The following STS variants were observed in gnomAD, a reference collection of about 807,000 sequenced individuals.
STS encodes the protein steryl-sulfatase.
Under a neutral mutation model 26.8 loss-of-function variants are expected in STS, and 7 were observed. The observed-to-expected ratio is 0.26, with a 90% CI of 0.15 to 0.49. The LOEUF (loss-of-function observed/expected upper bound fraction) is 0.49. Ranked by LOEUF, STS falls within the 20% of genes least tolerant of loss-of-function variation. The pLI is 0.98. For synonymous variants in STS, 199 were observed against 189.4 expected (o/e 1.05, Z -0.42); for missense variants, 434 against 465.6 (o/e 0.93, Z 0.63).
At chrX:7,178,775 G>A (rs1460154961) in intron 1 of STS, among the ~76,000 whole-genome samples, 1 of 110,337 alleles carries the variant, frequency 9.1e-6, no homozygotes, top group African/African-American at 3.3e-5. Context: ...GTGATAATGG[G>A]CTCTCTCTGT....
intron 1 of STS, among the ~76,000 whole-genome samples, chrX:7,165,023 C>T (rs1297355681): frequency 9.1e-6 from 1 of 110,454 alleles, no homozygotes; most frequent in Non-Finnish European, 1.9e-5. Flanking sequence ...AAGACCCTCT[C>T]TCAACAATGA....
chrX:7,167,634 G>A, intron 1 of STS, among the ~76,000 whole-genome samples: 1 of 112,072 alleles, frequency 8.9e-6, no homozygotes, highest in South Asian at 3.7e-4. Flanking sequence ...GCCAGCAGGA[G>A]AAGGCCTCTT....
intron 6 of STS, among the ~76,000 whole-genome samples, chrX:7,268,041 T>C (rs1924090368): frequency 9.1e-6 from 1 of 110,099 alleles, no homozygotes; most frequent in Admixed American, 9.8e-5. Flanking sequence ...CCCTGCTCCC[T>C]GACAACTCTC....
chrX:7,240,513 GTGTGTGTGTGTGTGTGTGTGTA>G (rs1922553426), intron 2 of STS, among the ~76,000 whole-genome samples: 1 of 13,178 alleles, frequency 7.6e-5, no homozygotes, highest in Non-Finnish European at 1.8e-4. Context: ...GTGTGTGTGT[GTGTGTGTGTGTGTGTGTGTGTA>G]TATATATATA....
intron 2 of STS, among the ~76,000 whole-genome samples, chrX:7,203,292 G>A (rs1471036818): frequency 8.9e-6 from 1 of 111,998 alleles, no homozygotes; most frequent in Non-Finnish European, 1.9e-5. Flanking sequence ...TCTGCAACAG[G>A]TATTTATTAG....
At chrX:7,284,741 G>T (rs1925043095) in intron 7 of STS, among the ~76,000 whole-genome samples, 1 of 112,298 alleles carries the variant, frequency 8.9e-6, no homozygotes, top group South Asian at 3.7e-4. Context: ...CCCAGAAAAA[G>T]AATTTCATGT....
intron 7 of STS, among the ~76,000 whole-genome samples, chrX:7,285,766 A>C (rs1925100324): frequency 8.9e-6 from 1 of 112,229 alleles, no homozygotes; most frequent in South Asian, 3.6e-4. Flanking sequence ...ATTCCTGAAT[A>C]GGTCAGACTT....
At chrX:7,317,840 C>G (rs942541496) in intron 8 of STS, among the ~76,000 whole-genome samples, 2 of 111,375 alleles carry the variant, frequency 1.8e-5, no homozygotes, top group African/African-American at 3.3e-5. Context: ...ACTGTGTTCT[C>G]TCTGGGATTC....
intron 1 of STS, among the ~76,000 whole-genome samples, chrX:7,186,307 G>A (rs971546540): frequency 8.9e-6 from 1 of 112,489 alleles, no homozygotes; most frequent in African/African-American, 3.2e-5. Flanking sequence ...AGGAAAAGGA[G>A]TTAATGAACC....
At chrX:7,204,594 C>G (rs376977661) in intron 2 of STS, among the ~76,000 whole-genome samples, 2 of 95,107 alleles carry the variant, frequency 2.1e-5, no homozygotes, top group Non-Finnish European at 4.2e-5. Context: ...CCTCCTTTCT[C>G]TCCATCTTCT....
chrX:7,334,110 G>A lies in STS; in HGVS notation c.1363+3G>A. The A allele has an allele frequency of 8.3e-7, 1 of 1,211,422 alleles. No homozygotes were observed. The highest frequency in any genetic ancestry group is 1.1e-6 in the Non-Finnish European group (1 of 895,298). On this transcript the variant is annotated splice_donor_region_variant and intron_variant, in intron 10 of 10. Transcript: ENST00000674429. Reference sequence around the variant, plus strand: ...TGTGCGCTGGCACCCTCAGAACAGTGAGTAAACAGACCTTTCCACGCTCCT... The same window carrying A: ...TGTGCGCTGGCACCCTCAGAACAGTAAGTAAACAGACCTTTCCACGCTCCT...
At chrX:7,340,490 A>G (rs1928234211) in intron 10 of STS, among the ~76,000 whole-genome samples, 1 of 112,083 alleles carries the variant, frequency 8.9e-6, no homozygotes, top group Non-Finnish European at 1.9e-5. Context: ...GAAATTTGTC[A>G]TCTCTTTTTG....
intron 1 of STS, among the ~76,000 whole-genome samples, chrX:7,156,802 T>C (rs1464751045): frequency 2.7e-5 from 3 of 112,022 alleles, no homozygotes; most frequent in African/African-American, 9.8e-5. Flanking sequence ...CTATTCATGA[T>C]TTTTTGTGTT....
At chrX:7,195,142 G>A (rs1165167476) in intron 2 of STS, among the ~76,000 whole-genome samples, 3 of 111,984 alleles carry the variant, frequency 2.7e-5, no homozygotes, top group African/African-American at 6.5e-5. Context: ...TGTGGAGGCC[G>A]CAATGTTTCT....
At chrX:7,328,418 A>C (rs1428410806) in intron 9 of STS, among the ~76,000 whole-genome samples, 1 of 111,711 alleles carries the variant, frequency 9.0e-6, no homozygotes, top group Non-Finnish European at 1.9e-5. Context: ...TCAATGAAGA[A>C]GATAACAGCC....
At chrX:7,312,612 A>T (rs980943450) in intron 8 of STS, among the ~76,000 whole-genome samples, 2 of 111,143 alleles carry the variant, frequency 1.8e-5, no homozygotes, top group African/African-American at 6.5e-5. Context: ...TGTTCTCGTG[A>T]TAATGAATAA....
chrX:7,295,268 CA>C (rs1475622938), intron 7 of STS, among the ~76,000 whole-genome samples: 2 of 110,975 alleles, frequency 1.8e-5, no homozygotes, highest in East Asian at 2.8e-4. Flanking sequence ...ATAGCTCAGT[CA>C]AAAAAATCTA....
chrX:7,325,959 A>G (rs1166970377), intron 9 of STS, among the ~76,000 whole-genome samples: 7 of 112,013 alleles, frequency 6.2e-5, no homozygotes, highest in African/African-American at 2.3e-4. Flanking sequence ...CAGAGGATTT[A>G]TTTATGGGCA....
chrX:7,157,428 G>C (rs1188505747), intron 1 of STS, among the ~76,000 whole-genome samples: 1 of 111,276 alleles, frequency 9.0e-6, no homozygotes, highest in Non-Finnish European at 1.9e-5. Flanking sequence ...GAGGGTTCCT[G>C]TGCAATGCCA....
Sources: allele counts gnomAD v4.1 joint callset (sites outside exome capture counted in the v4.1 genomes callset), GRCh38; gene constraint gnomAD v4.1.1; transcripts MANE v1.5; gene names NCBI Gene and HGNC (gene_info 2026-07-23, HGNC 2026-07-21).